MAP3K1: variants seen among roughly 807,000 people sequenced by gnomAD.
MAP3K1 encodes MAP/ERK kinase kinase 1.
In MAP3K1, 36 loss-of-function variants were observed where a neutral mutation model predicts 144.2. That is an observed-to-expected ratio of 0.25 (90% CI 0.19 to 0.33). MAP3K1 has a LOEUF of 0.33. Among genes scored for constraint, MAP3K1 ranks in the 10% least tolerant of loss-of-function variants. The pLI is 1.00. For synonymous variants in MAP3K1, 718 were observed against 688.7 expected, an observed-to-expected ratio of 1.04 and a Z score of -0.67; for missense variants, 1,650 against 1,881.9, an observed-to-expected ratio of 0.88 and a Z score of 2.28.
At position 56,882,236 on chromosome 5, in the gene MAP3K1, C is replaced by T. The variant is rs751033365; in HGVS notation, c.3036C>T (p.Cys1012=). 1 of 1,614,146 alleles carries T rather than the reference C, an allele frequency of 6.2e-7. No individual in the cohort carries two copies. The highest frequency in any genetic ancestry group is 8.5e-7 in the Non-Finnish European group (1 of 1,180,022). Residue 1012 remains cysteine (C), a synonymous_variant, in exon 14 of 20, where the codon TGC becomes TGT. Coordinates refer to ENST00000399503, the MANE Select transcript of MAP3K1 (RefSeq NM_005921.2). ...ATAGACTTCAGGGATTCATTCCCTG[C>T]AGAATACCTTCTGCATCTCCTCAAA... ...SKHRLQGFIP[C]RIPSASPQTQ...
In MAP3K1 at chr5:56,895,084, T is replaced by C. The variant is rs1026966480; in HGVS notation, c.*1404T>C. ...AGAAGCCAGTGTGAAATAGAATTGGTTATTCTCAAAGACTCAGGATAAACT... is the reference window on the plus strand; with the variant it reads ...AGAAGCCAGTGTGAAATAGAATTGGCTATTCTCAAAGACTCAGGATAAACT... On this transcript the variant is annotated 3_prime_UTR_variant, in exon 20 of 20. Transcript: ENST00000399503. 1.6e-4 allele frequency: 36 copies of C among 231,554 alleles called. No homozygotes were observed. Among genetic ancestry groups the C allele is most frequent in the African/African-American group, 7.7e-4 (35 of 45,288 alleles). 14.3% of individuals were successfully genotyped at this position (231,554 alleles called of 1,614,324 possible).
intron 1 of MAP3K1, among the ~76,000 whole-genome samples, chr5:56,825,157 GC>G (rs1372302579): frequency 2.0e-5 from 3 of 151,912 alleles, no homozygotes; most frequent in Non-Finnish European, 4.4e-5. Flanking sequence ...ACAGGCGCCT[GC>G]CACCACTTCC....
At chr5:56,845,911 G>C (rs552855561) in intron 1 of MAP3K1, among the ~76,000 whole-genome samples, 1 of 152,336 alleles carries the variant, frequency 6.6e-6, no homozygotes, top group South Asian at 2.1e-4. Context: ...TCAGAACATA[G>C]TTTACCTTAA....
intron 15 of MAP3K1, 143 bp downstream of exon 15, chr5:56,883,822 T>TGGTGCTTTAG: frequency 1.1e-6 from 1 of 916,312 alleles, no homozygotes; most frequent in Non-Finnish European, 1.7e-6. Context: ...TAGATGTTTC[T>TGGTGCTTTAG]AAAGCACCAG....
Position 56,864,873 on chromosome 5 carries a change from A to T in MAP3K1, c.974A>T (p.Asn325Ile). The T allele has an allele frequency of 6.2e-7, 1 of 1,613,894 alleles. No homozygotes were observed. The change falls in exon 4 of 20, where the codon AAC becomes ATC. Residue 325 changes from asparagine (N) to isoleucine (I), a missense_variant. Around this residue, in one of 6 missense-constraint regions of MAP3K1, gnomAD observed 11 missense variants for 40.6 expected, o/e 0.27. Transcript: ENST00000399503. ...RLYLLQQIGP[N>I]SFLIGGDSPD... ...TACTTACTGCAGCAGATAGGGCCTA[A>T]CTCTTTCCTGATTGGAGGAGACAGC...
intron 3 of MAP3K1, among the ~76,000 whole-genome samples, chr5:56,863,145 C>T (rs2111885626): frequency 6.6e-6 from 1 of 152,252 alleles, no homozygotes. Context: ...CAGCTGATTC[C>T]TTTGCTTTGC....
rs532165273 is a variant in MAP3K1, at chr5:56,836,749, C to G, written c.483-19851C>G. ...TATTGTCAAACATTTTGGCCCTATC[C>G]ATCCAGCATACTTCTTTTAGGGGAC... On this transcript the variant is annotated intron_variant, in intron 1 of 19. Coordinates refer to ENST00000399503, the MANE Select transcript of MAP3K1 (RefSeq NM_005921.2). 7.9e-5 allele frequency among the ~76,000 whole-genome samples: 12 copies of G among 152,218 alleles called. No individual in the cohort carries two copies. The South Asian group carries it at 2.5e-3, about 32-fold the overall frequency.
chr5:56,881,472 T>G (rs932692674), intron 13 of MAP3K1, 98 bp from the exon 14 acceptor site: 1 of 1,096,792 alleles, frequency 9.1e-7, no homozygotes, highest in Non-Finnish European at 1.4e-6. Context: ...GAAATGGTTT[T>G]TGAAGTATAC....
intron 10 of MAP3K1, among the ~76,000 whole-genome samples, chr5:56,875,863 A>G (rs1748009912): frequency 6.6e-6 from 1 of 152,188 alleles, no homozygotes; most frequent in East Asian, 1.9e-4. Context: ...CAGAGTCATC[A>G]ACGTTATTCT....
intron 4 of MAP3K1, 118 bp downstream of exon 4, chr5:56,865,052 A>G (rs1747636104): frequency 1.0e-6 from 1 of 994,026 alleles, no homozygotes; most frequent in South Asian, 1.5e-5. Flanking sequence ...AACAAAGTTA[A>G]ACTTAAAATG....
rs377648432 is a variant in MAP3K1, at chr5:56,864,943, C to T, written c.1035+9C>T. 33 of 1,613,244 alleles carry T rather than the reference C, an allele frequency of 2.0e-5. No homozygotes were observed. The highest frequency in any genetic ancestry group is 6.6e-5 in the South Asian group (6 of 91,054). On this transcript the variant is annotated intron_variant, in intron 4 of 19. Transcript: ENST00000399503. ...TGTTTATTGGGCCTCAGGTAGGATT[C>T]GTCACCATTTTATACTTTATTAGTA... is the stretch of plus-strand genomic sequence containing the variant.
intron 11 of MAP3K1, among the ~76,000 whole-genome samples, chr5:56,880,127 A>G (rs754838565): frequency 4.6e-5 from 7 of 152,220 alleles, no homozygotes; most frequent in African/African-American, 1.7e-4. Context: ...CAAAATGCAT[A>G]GGAAAAATGT....
Position 56,882,516 on chromosome 5 carries a change from A to G in MAP3K1, c.3316A>G (p.Ile1106Val), listed in dbSNP as rs1174469209. 1.9e-6 allele frequency: 3 copies of G among 1,614,022 alleles called. No homozygotes were observed. The highest frequency in any genetic ancestry group is 1.7e-6 in the Non-Finnish European group (2 of 1,179,990). Residue 1106 changes from isoleucine (I) to valine (V), a missense_variant, in exon 14 of 20, where the codon ATA (isoleucine) becomes GTA (valine). By Grantham distance (29) the Ile-to-Val change is conservative. Around this residue, in one of 6 missense-constraint regions of MAP3K1, gnomAD observed 841 missense variants for 886.5 expected, o/e 0.95. Coordinates refer to ENST00000399503, the MANE Select transcript of MAP3K1 (RefSeq NM_005921.2). ...GCSSNSSNAV[I>V]PSDETVFTPV... ...TAGCAGCAATAGTAGTAATGCTGTT[A>G]TACCCAGTGACGAGACAGTGTTCAC...
intron 1 of MAP3K1, among the ~76,000 whole-genome samples, chr5:56,854,815 C>G (rs1240321444): frequency 2.6e-5 from 4 of 152,314 alleles, no homozygotes; most frequent in Middle Eastern, 3.4e-3. Context: ...TATCAAGCAC[C>G]TTGGTCTAGG....
chr5:56,875,246 C>T lies in MAP3K1; in HGVS notation c.1901C>T (p.Ala634Val). Residue 634 changes from alanine to valine, a missense_variant, in exon 10 of 20, where the codon GCA becomes GTA. Transcript: ENST00000399503. ...QTSISGDVVE[A>V]CCSVLSMVCA... is the part of the protein sequence containing the mutation. ...AGTATCTCAGGAGATGTGGTGGAGG[C>T]ATGCTGCAGCGTTCTGTCAATGGTC... 1 of 1,614,138 alleles carries T rather than the reference C, an allele frequency of 6.2e-7. No individual in the cohort carries two copies. Among genetic ancestry groups the T allele is most frequent in the East Asian group, 2.2e-5 (1 of 44,872 alleles).
chr5:56,887,720 T>G, intron 18 of MAP3K1, 200 bp downstream of exon 18: 1 of 588,418 alleles, frequency 1.7e-6, no homozygotes, highest in Non-Finnish European at 3.0e-6. Context: ...AAAAACAGGT[T>G]TTAATAGATT....
At chr5:56,881,327 T>G in intron 13 of MAP3K1, 55 bp downstream of exon 13, 1 of 1,420,548 alleles carries the variant, frequency 7.0e-7, no homozygotes, top group Non-Finnish European at 9.9e-7. Flanking sequence ...CCCTACACCC[T>G]CCTCAAGAAT....
intron 14 of MAP3K1, 137 bp from the exon 15 acceptor site, chr5:56,883,390 A>G: frequency 1.3e-6 from 1 of 794,860 alleles, no homozygotes; most frequent in Non-Finnish European, 2.1e-6. Context: ...GCTGTCGGTC[A>G]CAAATACCTT....
At chr5:56,889,784 A>G (rs545551977) in intron 19 of MAP3K1, among the ~76,000 whole-genome samples, 25 of 152,262 alleles carry the variant, frequency 1.6e-4, no homozygotes, top group South Asian at 1.2e-3. Flanking sequence ...TGGGATTACT[A>G]TGAAGATAAA....
Sources: allele counts gnomAD v4.1 joint callset (sites outside exome capture counted in the v4.1 genomes callset), GRCh38; gene constraint gnomAD v4.1.1; regional missense constraint gnomAD v4.1.1; transcripts MANE v1.5; gene names NCBI Gene and HGNC (gene_info 2026-07-23, HGNC 2026-07-21).